Variants in COPG2 observed in about 807,000 individuals in gnomAD.
The protein encoded by COPG2 is coatomer subunit gamma-2.
In COPG2, 37 loss-of-function variants were observed where a neutral mutation model predicts 46.3. The observed-to-expected ratio is 0.80, with a 90% CI of 0.61 to 1.05. COPG2 has a LOEUF of 1.05. Among genes scored for constraint, COPG2 ranks in the 50% least tolerant of loss-of-function variants. COPG2 has a pLI of 0.00. For missense variants in COPG2, 427 were observed against 387.8 expected, an observed-to-expected ratio of 1.10 and a Z score of -0.85; for synonymous variants, 159 against 129.7, an observed-to-expected ratio of 1.23 and a Z score of -1.53.
chr7:130,554,183 A>AAT lies in COPG2; in HGVS notation c.1468+296_1468+297dup, dbSNP rs1288414153. ...GATTAGGGAGGAAAAGTCGCTTAAA[A>AAT]ATATATATATAGAAACACATAAACA... On this transcript the variant is annotated intron_variant, in intron 14 of 23. Transcript: ENST00000425248. Among the ~76,000 whole-genome samples the AAT allele has an allele frequency of 1.4e-3, 216 of 152,136 alleles. 1 individual carries two copies. The highest frequency in any genetic ancestry group is 0.01 in the Middle Eastern group (3 of 294).
At chr7:130,511,840 T>C in intron 20 of COPG2, 2 of 519,606 alleles carry the variant, frequency 3.8e-6, no homozygotes, top group South Asian at 2.8e-5. Context: ...AGCAGCAGAC[T>C]AGCTCTTAAA....
chr7:130,640,487 T>C (rs1795443885), intron 5 of COPG2, among the ~76,000 whole-genome samples: 2 of 152,034 alleles, frequency 1.3e-5, no homozygotes, highest in Non-Finnish European at 2.9e-5. Flanking sequence ...TGGGCTCCAG[T>C]AGCTTTATTT....
At chr7:130,578,691 T>C (rs1474768552) in intron 9 of COPG2, among the ~76,000 whole-genome samples, 1 of 151,880 alleles carries the variant, frequency 6.6e-6, no homozygotes, top group Middle Eastern at 3.2e-3. Context: ...CCGAGAACTA[T>C]ATGAAGAATG....
intron 5 of COPG2, among the ~76,000 whole-genome samples, chr7:130,634,417 T>C (rs1314642909): frequency 6.6e-6 from 1 of 152,198 alleles, no homozygotes; most frequent in Non-Finnish European, 1.5e-5. Flanking sequence ...TTTGTAGTTC[T>C]CCTTGAAGAG....
At position 130,510,271 on chromosome 7, in the gene COPG2, C is replaced by G. The variant is rs75933723; in HGVS notation, c.2150-1612G>C. 2,621 of 517,902 alleles carry G rather than the reference C, an allele frequency of 5.1e-3. 33 individuals carry two copies. Among genetic ancestry groups the G allele is most frequent in the Middle Eastern group, 0.029 (90 of 3,132 alleles). The allele number at this position is 517,902 out of a possible 1,614,324, so 32.1% of individuals were successfully genotyped here. On this transcript the variant is annotated intron_variant, in intron 20 of 23. Transcript: ENST00000425248. ...CCCATATAGGAAAGAATGAACCTATCAAGCCTGCAGAATCAATTTCAATGC... is the reference window on the plus strand; with the variant it reads ...CCCATATAGGAAAGAATGAACCTATGAAGCCTGCAGAATCAATTTCAATGC...
intron 5 of COPG2, chr7:130,645,685 C>A: frequency 6.4e-6 from 1 of 156,934 alleles, no homozygotes; most frequent in Non-Finnish European, 1.4e-5. Context: ...GATAAGAACT[C>A]TAAGGTGGAT....
chr7:130,660,822 C>T (rs1795962526), intron 4 of COPG2, among the ~76,000 whole-genome samples: 1 of 152,170 alleles, frequency 6.6e-6, no homozygotes, highest in Admixed American at 6.5e-5. Flanking sequence ...TGACTCCAAA[C>T]TTCTTTCACT....
At chr7:130,668,086 C>T (rs1796124873) in intron 1 of COPG2, among the ~76,000 whole-genome samples, 1 of 152,166 alleles carries the variant, frequency 6.6e-6, no homozygotes, top group African/African-American at 2.4e-5. Context: ...GGCATCAAGA[C>T]GCAGGTCACT....
rs781988409 is a variant in COPG2, at chr7:130,610,955, A to G, written c.735T>C (p.Asp245=). 3 of 1,613,906 alleles carry G rather than the reference A, an allele frequency of 1.9e-6. No individual in the cohort carries two copies. Among genetic ancestry groups the G allele is most frequent in the East Asian group, 2.2e-5 (1 of 44,866 alleles). The change falls in exon 9 of 24, where the codon GAT becomes GAC. Residue 245 remains aspartate (D), a splice_region_variant and synonymous_variant. Transcript: ENST00000425248. ...IASRLLKETE[D]GHESPLFDFI... ...CAGGTTTAGGTGAAGACACTTACCC[A>G]TCCTCAGTTTCTTTTAGTAAGCGAC...
intron 2 of COPG2, 134 bp downstream of exon 2, chr7:130,667,348 C>T: frequency 1.4e-6 from 1 of 698,038 alleles, no homozygotes; most frequent in Non-Finnish European, 2.4e-6. Context: ...TTTCTTTTCC[C>T]TCAAATCTAT....
At chr7:130,643,499 AT>A (rs1795531730) in intron 5 of COPG2, among the ~76,000 whole-genome samples, 1 of 152,092 alleles carries the variant, frequency 6.6e-6, no homozygotes, top group African/African-American at 2.4e-5. Flanking sequence ...CTTTGTTTAT[AT>A]GGGGATTAAG....
intron 4 of COPG2, among the ~76,000 whole-genome samples, chr7:130,655,258 T>G (rs782030576): frequency 3.9e-5 from 6 of 152,318 alleles, no homozygotes; most frequent in Non-Finnish European, 5.9e-5. Context: ...TTGTTTGTTT[T>G]TTTTTCACTT....
chr7:130,513,305 AAAAATATAT>A (rs1288937031), intron 20 of COPG2, among the ~76,000 whole-genome samples: 8 of 50,040 alleles, frequency 1.6e-4, no homozygotes, highest in Admixed American at 9.0e-4. Flanking sequence ...AAAAAAAAAA[AAAAATATAT>A]ATATATATAT....
chr7:130,608,223 C>G lies in COPG2; in HGVS notation c.737+2730G>C, dbSNP rs563689177. Reference sequence around the variant, plus strand: ...AATATACTACTGCATGATACAAAAACTTTACAAATGTCCATTTTTCTCCCT... The same window carrying G: ...AATATACTACTGCATGATACAAAAAGTTTACAAATGTCCATTTTTCTCCCT... On this transcript the variant is annotated intron_variant, in intron 9 of 23. Coordinates refer to ENST00000425248, the MANE Select transcript of COPG2 (RefSeq NM_012133.6). The G allele has an allele frequency of 6.4e-6, 3 of 467,320 alleles. No homozygotes were observed. In the Admixed American group the frequency reaches 6.8e-5, roughly 11 times the overall value. 28.9% of individuals were successfully genotyped at this position (467,320 alleles called of 1,614,324 possible).
intron 5 of COPG2, among the ~76,000 whole-genome samples, chr7:130,630,633 G>A (rs1246011903): frequency 6.6e-6 from 1 of 151,910 alleles, no homozygotes; most frequent in Admixed American, 6.6e-5. Context: ...ACCAATTTTT[G>A]TTTCAAGCAC....
intron 3 of COPG2, among the ~76,000 whole-genome samples, chr7:130,666,504 C>T (rs1796080816): frequency 6.6e-6 from 1 of 152,048 alleles, no homozygotes; most frequent in African/African-American, 2.4e-5. Context: ...TTTTTGAGTG[C>T]CAATATAACA....
At chr7:130,510,860 C>G (rs782501617) in intron 20 of COPG2, 4 of 513,172 alleles carry the variant, frequency 7.8e-6, no homozygotes, top group Non-Finnish European at 1.6e-5. Context: ...GGGGGCCTTT[C>G]CATGGCAAGA....
At chr7:130,540,888 C>G (rs999262598) in intron 20 of COPG2, among the ~76,000 whole-genome samples, 1 of 151,916 alleles carries the variant, frequency 6.6e-6, no homozygotes, top group Admixed American at 6.6e-5. Flanking sequence ...GAGCAGTGTT[C>G]AGCTCAGTAA....
At chr7:130,587,461 C>A (rs1206095748) in intron 9 of COPG2, among the ~76,000 whole-genome samples, 1 of 151,926 alleles carries the variant, frequency 6.6e-6, no homozygotes, top group Non-Finnish European at 1.5e-5. Flanking sequence ...AAATATAATA[C>A]TTGCTTTTGA....
Sources: allele counts gnomAD v4.1 joint callset (sites outside exome capture counted in the v4.1 genomes callset), GRCh38; gene constraint gnomAD v4.1.1; transcripts MANE v1.5; gene names NCBI Gene and HGNC (gene_info 2026-07-23, HGNC 2026-07-21).